The following DDX4 variants were observed in gnomAD, a reference collection of about 807,000 sequenced individuals.
The protein encoded by DDX4 is DEAD-box helicase 4, also known as probable ATP-dependent RNA helicase DDX4.
Under a neutral mutation model 100.0 loss-of-function variants are expected in DDX4, and 25 were observed. The observed-to-expected ratio is 0.25, with a 90% CI of 0.18 to 0.35. The LOEUF is 0.35. DDX4 is among the 10% of genes least tolerant of loss of function. The pLI, the probability that DDX4 is intolerant of heterozygous loss-of-function variation, is 1.00. For synonymous variants in DDX4, 259 were observed against 275.7 expected (o/e 0.94, Z 0.60); for missense variants, 635 against 882.4 (o/e 0.72, Z 3.55).
intron 18 of DDX4, among the ~76,000 whole-genome samples, chr5:55,800,841 T>C (rs1743253358): frequency 1.3e-5 from 2 of 152,206 alleles, no homozygotes; most frequent in African/African-American, 4.8e-5. Context: ...GTAATATCCA[T>C]CCAGTATATC....
Position 55,781,949 on chromosome 5 carries a change from C to T in DDX4, c.593C>T (p.Ser198Phe), listed in dbSNP as rs747709464. The T allele has an allele frequency of 8.1e-5, 130 of 1,613,904 alleles. 1 individual carries two copies. The South Asian group carries it at 1.4e-3, about 17-fold the overall frequency. Reference sequence around the variant, plus strand: ...TGCCTTACAGGTAATGGTGATACTTCTCAAAGCAGAAGTGGCAGTGGAAGT... The same window carrying T: ...TGCCTTACAGGTAATGGTGATACTTTTCAAAGCAGAAGTGGCAGTGGAAGT... Reference protein sequence around the residue: ...VLSGTGNGDTSQSRSGSGSER... With the variant: ...VLSGTGNGDTFQSRSGSGSER... The change falls in exon 10 of 22, where the codon TCT (serine) becomes TTT (phenylalanine). Residue 198 changes from serine (S) to phenylalanine (F), a missense_variant. Physicochemically the swap from Ser to Phe is radical, Grantham distance 155. This residue lies in a region of DDX4 where 446 missense variants were observed against 540.8 expected (regional missense o/e 0.82). Coordinates refer to ENST00000505374, the MANE Select transcript of DDX4 (RefSeq NM_024415.3).
At chr5:55,749,809 CTTT>C (rs34529525) in intron 3 of DDX4, among the ~76,000 whole-genome samples, 1 of 134,864 alleles carries the variant, frequency 7.4e-6, no homozygotes. Context: ...ATGTGTGTGT[CTTT>C]TTTTTTTTTT....
intron 8 of DDX4, 43 bp from the exon 9 acceptor site, chr5:55,781,020 ACTT>A: frequency 1.3e-6 from 2 of 1,542,470 alleles, no homozygotes; most frequent in South Asian, 1.2e-5. Context: ...CGATTAAAAA[ACTT>A]CTTCAAAGTA....
chr5:55,812,512 CG>C (rs1561520260), intron 18 of DDX4, among the ~76,000 whole-genome samples: 30 of 120,952 alleles, frequency 2.5e-4, no homozygotes, highest in African/African-American at 6.1e-4. Context: ...TGCAGTGAGC[CG>C]AGATTGTGCC....
intron 17 of DDX4, 127 bp from the exon 18 acceptor site, chr5:55,798,299 A>G: frequency 3.0e-6 from 3 of 994,042 alleles, no homozygotes; most frequent in Non-Finnish European, 4.2e-6. Flanking sequence ...TAAGTAACCA[A>G]CCATCTTATA....
chr5:55,791,031 A>G (rs905461198), intron 16 of DDX4, among the ~76,000 whole-genome samples: 8 of 152,098 alleles, frequency 5.3e-5, no homozygotes, highest in East Asian at 1.9e-4. Context: ...ACGCTGGGGG[A>G]AAAATGTAGT....
Position 55,792,688 on chromosome 5 carries a change from C to T in DDX4, c.1350C>T (p.Arg450=), listed in dbSNP as rs762348632. The T allele has an allele frequency of 1.4e-5, 23 of 1,598,138 alleles. No homozygotes were observed. Among genetic ancestry groups the T allele is most frequent in the Non-Finnish European group, 1.7e-5 (20 of 1,170,750 alleles). Residue 450 remains arginine (R), a synonymous_variant, in exon 17 of 22, where the codon CGC becomes CGT. Transcript: ENST00000505374. ...ACTTAGTTTTGGATGAAGCTGATCG[C>T]ATGTTGGATATGGGTTTTGGTCCAG... ...IKYLVLDEAD[R]MLDMGFGPEM...
chr5:55,815,354 T>G lies in DDX4; in HGVS notation c.2028T>G (p.Phe676Leu), dbSNP rs746277867. ...DVPAWLEEIA[F>L]STYIPGFSGS... ...CTGCATGGTTGGAAGAAATTGCCTT[T>G]AGTACATACATTCCTGGCTTCAGTG... The change falls in exon 21 of 22, where the codon TTT becomes TTG. Residue 676 changes from phenylalanine to leucine, a missense_variant. This residue lies in a region of DDX4 where 73 missense variants were observed against 98.5 expected (regional missense o/e 0.74). Transcript: ENST00000505374. The G allele has an allele frequency of 6.2e-7, 1 of 1,613,690 alleles. No individual in the cohort carries two copies. Among genetic ancestry groups the G allele is most frequent in the Non-Finnish European group, 8.5e-7 (1 of 1,179,932 alleles).
At chr5:55,738,884 T>C (rs1758833193) in intron 1 of DDX4, 66 bp from the exon 2 acceptor site, 2 of 932,882 alleles carry the variant, frequency 2.1e-6, no homozygotes, top group Non-Finnish European at 3.5e-6. Flanking sequence ...AATGAGTTTA[T>C]GCTTTTAAAG....
chr5:55,809,012 A>G (rs1000977345), intron 18 of DDX4, among the ~76,000 whole-genome samples: 7 of 152,224 alleles, frequency 4.6e-5, no homozygotes, highest in Non-Finnish European at 1.0e-4. Flanking sequence ...AGCCTAGGCA[A>G]TGGCAGGTGC....
At chr5:55,750,020 A>G (rs1272841723) in intron 3 of DDX4, among the ~76,000 whole-genome samples, 1 of 151,900 alleles carries the variant, frequency 6.6e-6, no homozygotes, top group African/African-American at 2.4e-5. Flanking sequence ...ACTAGAAAAA[A>G]CTCAGCAATA....
At position 55,781,160 on chromosome 5, in the gene DDX4, C is replaced by T; in HGVS notation, c.577+14C>T. 6.3e-7 allele frequency: 1 copy of T among 1,591,230 alleles called. No individual in the cohort carries two copies. Among genetic ancestry groups the T allele is most frequent in the Non-Finnish European group, 8.6e-7 (1 of 1,166,288 alleles). Reference sequence around the variant, plus strand: ...TAAGTGGCACAGGTGAGAAATAGAACTTATTACTGAATATTAGTTACTGAT... The same window carrying T: ...TAAGTGGCACAGGTGAGAAATAGAATTTATTACTGAATATTAGTTACTGAT... On this transcript the variant is annotated intron_variant, in intron 9 of 21. Coordinates refer to ENST00000505374, the MANE Select transcript of DDX4 (RefSeq NM_024415.3).
Position 55,786,617 on chromosome 5 carries a change from A to G in DDX4, c.964A>G (p.Ile322Val). Residue 322 changes from isoleucine to valine, a missense_variant, in exon 14 of 22, where the codon ATA becomes GTA. Coordinates refer to ENST00000505374, the MANE Select transcript of DDX4 (RefSeq NM_024415.3). ...TPVQKYSIPI[I>V]LAGRDLMACA... is the part of the protein sequence containing the mutation. ...TGTGCAAAAATACAGTATTCCTATC[A>G]TACTTGCAGGACGAGATTTGATGGC... is the stretch of plus-strand genomic sequence containing the variant. 6.2e-7 allele frequency: 1 copy of G among 1,613,428 alleles called. No individual in the cohort carries two copies. Among genetic ancestry groups the G allele is most frequent in the African/African-American group, 1.3e-5 (1 of 75,022 alleles).
chr5:55,800,783 A>AT (rs574549896), intron 18 of DDX4, among the ~76,000 whole-genome samples: 4 of 151,980 alleles, frequency 2.6e-5, no homozygotes, highest in African/African-American at 9.6e-5. Context: ...GCTGTGAAAT[A>AT]TTTTTTTTGG....
In DDX4 at chr5:55,798,205, T is replaced by C. The variant is rs116611254; in HGVS notation, c.1470-221T>C. 4.3e-3 allele frequency among the ~76,000 whole-genome samples: 652 copies of C among 152,322 alleles called. 1 individual carries two copies. Among genetic ancestry groups the C allele is most frequent in the African/African-American group, 0.015 (626 of 41,566 alleles). On this transcript the variant is annotated intron_variant, in intron 17 of 21. Transcript: ENST00000505374. ...ACTTGTAATTACCATATCCATACTT[T>C]GACAAACTTTTTTTCTAGTAGTTAT...
At chr5:55,815,249 T>TA (rs1442184245) in intron 20 of DDX4, 64 bp from the exon 21 acceptor site, 3 of 1,596,170 alleles carry the variant, frequency 1.9e-6, no homozygotes, top group Non-Finnish European at 2.6e-6. Flanking sequence ...CATGTGTATA[T>TA]AACAAGTAAA....
At chr5:55,815,969 A>G (rs1182325278) in intron 21 of DDX4, among the ~76,000 whole-genome samples, 2 of 128,092 alleles carry the variant, frequency 1.6e-5, no homozygotes, top group Non-Finnish European at 3.2e-5. Context: ...TATTTTTAAT[A>G]GAGACAGGGT....
chr5:55,783,105 A>T (rs1383224143), intron 10 of DDX4, among the ~76,000 whole-genome samples: 1 of 151,950 alleles, frequency 6.6e-6, no homozygotes, highest in African/African-American at 2.4e-5. Flanking sequence ...AAGTTTTTTC[A>T]AAGTATAAAT....
chr5:55,791,133 A>C (rs17643358), intron 16 of DDX4, among the ~76,000 whole-genome samples: 1 of 152,098 alleles, frequency 6.6e-6, no homozygotes, highest in African/African-American at 2.4e-5. Flanking sequence ...TCTGTCTCCT[A>C]TGTAAGCATG....
Sources: allele counts gnomAD v4.1 joint callset (sites outside exome capture counted in the v4.1 genomes callset), GRCh38; gene constraint gnomAD v4.1.1; regional missense constraint gnomAD v4.1.1; transcripts MANE v1.5; gene names NCBI Gene and HGNC (gene_info 2026-07-23, HGNC 2026-07-21).